Variants in ARVCF observed in about 807,000 individuals in gnomAD.
The protein encoded by ARVCF is splicing regulator ARVCF.
A neutral mutation model predicts 90.9 loss-of-function variants in ARVCF; 66 were observed. The observed-to-expected ratio is 0.73, with a 90% CI of 0.60 to 0.89. The LOEUF (loss-of-function observed/expected upper bound fraction) is 0.89, where lower values mean the gene tolerates loss of function less well. Among genes scored for constraint, ARVCF ranks in the 40% least tolerant of loss-of-function variants. The probability of loss-of-function intolerance (pLI) is 0.00; values close to 1 mark genes in which losing one functional copy is unlikely to be tolerated. For missense variants in ARVCF, 1,469 were observed against 1,382.3 expected (o/e 1.06, Z -1.00); for synonymous variants, 653 against 603.4 (o/e 1.08, Z -1.21).
At chr22:19,991,475 AAGCCT>A (rs1944023904) in intron 2 of ARVCF, among the ~76,000 whole-genome samples, 1 of 152,266 alleles carries the variant, frequency 6.6e-6, no homozygotes, top group African/African-American at 2.4e-5. Context: ...AACTGAGGAC[AAGCCT>A]GGTTGAGGTT....
intron 1 of ARVCF, among the ~76,000 whole-genome samples, chr22:20,011,392 T>TC (rs147290469): frequency 6.6e-6 from 1 of 151,998 alleles, no homozygotes; most frequent in Non-Finnish European, 1.5e-5. Flanking sequence ...GAGAGCTCTC[T>TC]CCCCCGCCTC....
Position 19,972,917 on chromosome 22 carries a change from A to G in ARVCF, c.2550+8T>C. 3 of 1,613,898 alleles carry G rather than the reference A, an allele frequency of 1.9e-6. No individual in the cohort carries two copies. Among genetic ancestry groups the G allele is most frequent in the Non-Finnish European group, 2.5e-6 (3 of 1,180,030 alleles). On this transcript the variant is annotated splice_region_variant and intron_variant, in intron 15 of 19. Coordinates refer to ENST00000263207, the MANE Select transcript of ARVCF (RefSeq NM_001670.3). Reference sequence around the variant, plus strand: ...CAGGGAATGGAAGGAAGGCCAGGGAAGCCGCACCTGGAAGCGCGCCTTGGT... The same window carrying G: ...CAGGGAATGGAAGGAAGGCCAGGGAGGCCGCACCTGGAAGCGCGCCTTGGT...
rs758025303 is a variant in ARVCF at position 19,979,004 on chromosome 22, G to A, written c.1473C>T (p.His491=). 42 of 1,613,396 alleles carry A rather than the reference G, an allele frequency of 2.6e-5. No individual in the cohort carries two copies. The highest frequency in any genetic ancestry group is 3.3e-5 in the Non-Finnish European group (39 of 1,179,952). The change falls in exon 7 of 20, where the codon CAC becomes CAT. Residue 491 remains histidine (H), a synonymous_variant. Transcript: ENST00000263207. ...ATCCTGAGTGGGGCACGATCACCTCGTGGGTCAGCGTCTGCAGGCCATGGT... is the reference window on the plus strand; with the variant it reads ...ATCCTGAGTGGGGCACGATCACCTCATGGGTCAGCGTCTGCAGGCCATGGT... ...IIDHGLQTLT[H]EVIVPHSGWE... is the part of the protein sequence containing the mutation.
In ARVCF at chr22:19,973,033, T is replaced by C. The variant is rs751192743; in HGVS notation, c.2442A>G (p.Gln814=). The change falls in exon 15 of 20, where the codon CAA becomes CAG. Residue 814 remains glutamine (Q), a synonymous_variant. Coordinates refer to ENST00000263207, the MANE Select transcript of ARVCF (RefSeq NM_001670.3). The part of the protein sequence containing the change: ...PALVALVASS[Q]SVREAKAASH... ...ACGCCGCCTTCGCTTCGCGTACCGA[T>C]TGGCTGTGGGGCCGGGGGCGGGGTC... 1.1e-5 allele frequency: 17 copies of C among 1,611,596 alleles called. No individual in the cohort carries two copies. The South Asian group carries it at 1.5e-4, about 15-fold the overall frequency.
At chr22:19,987,398 C>T (rs1474134314) in intron 3 of ARVCF, among the ~76,000 whole-genome samples, 2 of 149,668 alleles carry the variant, frequency 1.3e-5, no homozygotes, top group Non-Finnish European at 3.0e-5. Flanking sequence ...CCACCTCCCC[C>T]CACCCACTGC....
intron 5 of ARVCF, chr22:19,980,589 CT>C: frequency 3.7e-6 from 1 of 267,472 alleles, no homozygotes; most frequent in East Asian, 6.8e-5. Context: ...ACCGTCTCAC[CT>C]CCCTTCCACA....
Position 19,977,962 on chromosome 22 carries a change from T to C in ARVCF, c.1694A>G (p.Asn565Ser), listed in dbSNP as rs757829188. ...GCTGTGACCGTCCCTGCCCACCTTGTTGTCAGTGTCCTTCCGGCCCACAGC... is the reference window on the plus strand; with the variant it reads ...GCTGTGACCGTCCCTGCCCACCTTGCTGTCAGTGTCCTTCCGGCCCACAGC... ...QSAVGRKDTD[N>S]KSVENCVCIM... The change falls in exon 8 of 20, where the codon AAC (asparagine) becomes AGC (serine). Residue 565 changes from asparagine (N) to serine (S), a missense_variant. Asn to Ser is a conservative substitution (Grantham distance 46). Transcript: ENST00000263207. The C allele has an allele frequency of 3.7e-6, 6 of 1,605,338 alleles. No homozygotes were observed. The Admixed American group carries it at 6.8e-5, about 18-fold the overall frequency.
At chr22:20,011,206 C>A (rs889241351) in intron 1 of ARVCF, among the ~76,000 whole-genome samples, 2 of 152,248 alleles carry the variant, frequency 1.3e-5, no homozygotes, top group African/African-American at 4.8e-5. Flanking sequence ...CAGGGGAGGA[C>A]CCTGCGGCTT....
At position 19,974,175 on chromosome 22, in the gene ARVCF, C is replaced by G; in HGVS notation, c.2025G>C (p.Arg675=). The part of the protein sequence containing the change: ...RLYLSLLTES[R]NFNTLEAAAG... ...CGGCAGCCTCCAGGGTGTTGAAGTT[C>G]CGGCTCTCCGTGAGGAGGGAGAGGT... Residue 675 remains arginine, a synonymous_variant, in exon 12 of 20, where the codon CGG becomes CGC. Coordinates refer to ENST00000263207, the MANE Select transcript of ARVCF (RefSeq NM_001670.3). 1 of 1,612,958 alleles carries G rather than the reference C, an allele frequency of 6.2e-7. No individual in the cohort carries two copies. The highest frequency in any genetic ancestry group is 8.5e-7 in the Non-Finnish European group (1 of 1,179,826).
At chr22:20,002,777 G>A (rs1452936094) in intron 2 of ARVCF, among the ~76,000 whole-genome samples, 1 of 152,174 alleles carries the variant, frequency 6.6e-6, no homozygotes, top group Non-Finnish European at 1.5e-5. Context: ...ATTGTGTCAA[G>A]GGAATAGCAG....
chr22:19,976,748 AGAGAG>A, intron 9 of ARVCF, 25 bp from the exon 10 acceptor site: 1 of 1,557,912 alleles, frequency 6.4e-7, no homozygotes, highest in Non-Finnish European at 8.7e-7. Flanking sequence ...GAAGCAGAGG[AGAGAG>A]GAGAGGAGCC....
At chr22:20,008,090 A>C (rs556640639) in intron 2 of ARVCF, among the ~76,000 whole-genome samples, 2 of 152,296 alleles carry the variant, frequency 1.3e-5, no homozygotes, top group Admixed American at 6.5e-5. Context: ...CAAAAACTAA[A>C]AGGGTGAGAA....
In ARVCF at chr22:19,981,255, C is replaced by T. The variant is rs969920039; in HGVS notation, c.852G>A (p.Thr284=). ...GGPELEPDYG[T]ATRRRPECGR... Reference sequence around the variant, plus strand: ...CACACTCAGGCCTCCTCCTTGTGGCCGTGCCATAGTCAGGCTCCAGCTCAG... The same window carrying T: ...CACACTCAGGCCTCCTCCTTGTGGCTGTGCCATAGTCAGGCTCCAGCTCAG... The change falls in exon 5 of 20, where the codon ACG becomes ACA. Residue 284 remains threonine, a synonymous_variant. Transcript: ENST00000263207. 12 of 1,561,864 alleles carry T rather than the reference C, an allele frequency of 7.7e-6. No individual in the cohort carries two copies. The highest frequency in any genetic ancestry group is 5.4e-5 in the African/African-American group (4 of 73,440).
chr22:19,973,022 T>G lies in ARVCF; in HGVS notation c.2453A>C (p.Glu818Ala). 6.2e-7 allele frequency: 1 copy of G among 1,612,978 alleles called. No homozygotes were observed. Among genetic ancestry groups the G allele is most frequent in the Non-Finnish European group, 8.5e-7 (1 of 1,179,914 alleles). ...ALVASSQSVR[E>A]AKAASHVLQT... is the part of the protein sequence containing the mutation. ...CAGCACGTGTGACGCCGCCTTCGCT[T>G]CGCGTACCGATTGGCTGTGGGGCCG... is the stretch of plus-strand genomic sequence containing the variant. Residue 818 changes from glutamate (E) to alanine (A), a missense_variant, in exon 15 of 20, where the codon GAA (glutamate) becomes GCA (alanine). Coordinates refer to ENST00000263207, the MANE Select transcript of ARVCF (RefSeq NM_001670.3).
At chr22:20,010,555 G>C (rs1944789317) in intron 1 of ARVCF, 47 bp from the exon 2 acceptor site, 1 of 152,238 alleles carries the variant, frequency 6.6e-6, no homozygotes, top group African/African-American at 2.4e-5. Flanking sequence ...CAGCTGGGTA[G>C]GTCCCTGCCG....
chr22:19,987,433 C>T (rs1415227887), intron 3 of ARVCF, among the ~76,000 whole-genome samples: 1 of 151,168 alleles, frequency 6.6e-6, no homozygotes, highest in East Asian at 2.0e-4. Context: ...GCTCCCTCCC[C>T]CTCCCTGCGG....
At chr22:19,981,885 C>T (rs910571869) in intron 4 of ARVCF, 48 bp downstream of exon 4, 7 of 1,596,942 alleles carry the variant, frequency 4.4e-6, no homozygotes, top group African/African-American at 1.3e-5. Flanking sequence ...GGGACAGCTG[C>T]AGCAGCCTGG....
intron 1 of ARVCF, among the ~76,000 whole-genome samples, chr22:20,014,276 C>T (rs1159010585): frequency 6.6e-6 from 1 of 151,768 alleles, no homozygotes; most frequent in African/African-American, 2.4e-5. Context: ...CTCACTGCAA[C>T]CCTCACCTCC....
chr22:19,968,654 A>G (rs1942568510), downstream of ARVCF: 3 of 1,614,090 alleles, frequency 1.9e-6, no homozygotes, highest in Non-Finnish European at 2.5e-6. Context: ...ACACACTACC[A>G]ATCGTTCCTG....
Sources: allele counts gnomAD v4.1 joint callset (sites outside exome capture counted in the v4.1 genomes callset), GRCh38; gene constraint gnomAD v4.1.1; transcripts MANE v1.5; gene names NCBI Gene and HGNC (gene_info 2026-07-23, HGNC 2026-07-21).